Variants in SOX5 observed in about 807,000 individuals in gnomAD.
SOX5 encodes the protein transcription factor SOX-5.
Under a neutral mutation model 92.0 loss-of-function variants are expected in SOX5, and 9 were observed. The ratio of observed to expected loss-of-function variants is 0.10; its 90% CI spans 0.06 to 0.17. The LOEUF (loss-of-function observed/expected upper bound fraction) is 0.17, where lower values mean the gene tolerates loss of function less well. Ranked by LOEUF, SOX5 falls within the 10% of genes least tolerant of loss-of-function variation. The pLI is 1.00. For synonymous variants in SOX5, 344 were observed against 336.3 expected, an observed-to-expected ratio of 1.02 and a Z score of -0.25; for missense variants, 642 against 944.5, an observed-to-expected ratio of 0.68 and a Z score of 4.20.
intron 4 of SOX5, among the ~76,000 whole-genome samples, chr12:23,967,411 GT>G (rs1192329833): frequency 6.6e-6 from 1 of 151,908 alleles, no homozygotes. Context: ...AATATTTTAA[GT>G]TATTTCTTAA....
chr12:23,712,259 A>G (rs769362999), intron 6 of SOX5, among the ~76,000 whole-genome samples: 25 of 152,208 alleles, frequency 1.6e-4, no homozygotes, highest in Admixed American at 5.9e-4. Context: ...AGGGATACGT[A>G]ATTTCCCATT....
At chr12:24,449,761 A>G (rs1204830982) in intron 1 of SOX5, among the ~76,000 whole-genome samples, 1 of 152,226 alleles carries the variant, frequency 6.6e-6, no homozygotes, top group Non-Finnish European at 1.5e-5. Context: ...CTTCTAAAAT[A>G]TAATTAACAG....
intron 1 of SOX5, among the ~76,000 whole-genome samples, chr12:23,942,868 C>A (rs1943920481): frequency 6.6e-6 from 1 of 151,966 alleles, no homozygotes; most frequent in African/African-American, 2.4e-5. Flanking sequence ...TAAGAAAGAT[C>A]ATATCTTCTG....
intron 1 of SOX5, among the ~76,000 whole-genome samples, chr12:23,903,216 A>C (rs2097255402): frequency 6.6e-6 from 1 of 152,182 alleles, no homozygotes; most frequent in Non-Finnish European, 1.5e-5. Flanking sequence ...AGATAGATAG[A>C]TAATAGATGA....
At chr12:24,265,393 A>G (rs990182439) in intron 3 of SOX5, among the ~76,000 whole-genome samples, 1 of 152,080 alleles carries the variant, frequency 6.6e-6, no homozygotes, top group East Asian at 1.9e-4. Flanking sequence ...AATACAAAAA[A>G]GTTATCTGAG....
chr12:24,263,724 C>T (rs1942604032), intron 3 of SOX5, among the ~76,000 whole-genome samples: 1 of 152,072 alleles, frequency 6.6e-6, no homozygotes, highest in Non-Finnish European at 1.5e-5. Context: ...TATGCAAGTA[C>T]TCAGTATATA....
intron 4 of SOX5, among the ~76,000 whole-genome samples, chr12:24,051,602 C>T (rs180889560): frequency 1.6e-4 from 24 of 151,994 alleles, no homozygotes; most frequent in Admixed American, 2.0e-4. Context: ...AGAAAAAATC[C>T]ACAAGAAAAT....
At chr12:23,770,047 T>TG (rs1491565794) in intron 3 of SOX5, among the ~76,000 whole-genome samples, 4 of 106,988 alleles carry the variant, frequency 3.7e-5, no homozygotes, top group South Asian at 5.8e-4. Flanking sequence ...ATGCTCCCTC[T>TG]GTTTTTTTTT....
chr12:23,923,258 G>A (rs1400104186), intron 1 of SOX5, among the ~76,000 whole-genome samples: 1 of 151,826 alleles, frequency 6.6e-6, no homozygotes, highest in Non-Finnish European at 1.5e-5. Flanking sequence ...GCCAAGGGAA[G>A]CTTCTTAAAG....
intron 2 of SOX5, among the ~76,000 whole-genome samples, chr12:23,889,970 T>C (rs1192675673): frequency 6.6e-6 from 1 of 152,226 alleles, no homozygotes; most frequent in Non-Finnish European, 1.5e-5. Context: ...ACACAGTATT[T>C]ATTTCATAAT....
upstream of SOX5, among the ~76,000 whole-genome samples, chr12:23,952,713 A>ATAATTTGAAC (rs1945812036): frequency 6.6e-6 from 1 of 152,182 alleles, no homozygotes; most frequent in Admixed American, 6.5e-5. Context: ...CCTAATAATG[A>ATAATTTGAAC]TAATTTGAAC....
intron 4 of SOX5, among the ~76,000 whole-genome samples, chr12:24,045,206 A>G (rs1015597031): frequency 6.6e-6 from 1 of 152,212 alleles, no homozygotes; most frequent in Admixed American, 6.5e-5. Context: ...GACCTCTGGT[A>G]AGTTACTTCA....
At chr12:24,132,886 C>G (rs547811287) in intron 4 of SOX5, among the ~76,000 whole-genome samples, 3 of 152,114 alleles carry the variant, frequency 2.0e-5, no homozygotes, top group Non-Finnish European at 4.4e-5. Context: ...CATCTAATTA[C>G]CTCATTTCCC....
At chr12:23,606,774 G>A (rs142089147) in intron 8 of SOX5, among the ~76,000 whole-genome samples, 7 of 152,060 alleles carry the variant, frequency 4.6e-5, no homozygotes, top group East Asian at 1.9e-4. Context: ...TACTTTCATC[G>A]TTCAAATAAA....
In SOX5 at chr12:23,793,032, C is replaced by G. The variant is rs189649700; in HGVS notation, c.482-37308G>C. 1.1e-4 allele frequency among the ~76,000 whole-genome samples: 17 copies of G among 152,148 alleles called. No homozygotes were observed. The East Asian group carries it at 3.3e-3, about 29-fold the overall frequency. On this transcript the variant is annotated intron_variant, in intron 3 of 14. Transcript: ENST00000451604. ...AAGACAAAAAATTTCAAGGATAAAA[C>G]CTGGAAAATAGAGGAGAGACCTAAA... is the stretch of plus-strand genomic sequence containing the variant.
intron 1 of SOX5, among the ~76,000 whole-genome samples, chr12:24,390,261 T>A (rs982794597): frequency 6.6e-6 from 1 of 152,174 alleles, no homozygotes; most frequent in Non-Finnish European, 1.5e-5. Context: ...ACTGGGTGAT[T>A]ATCTCATTGG....
chr12:23,611,746 G>A (rs2075989445), intron 8 of SOX5, among the ~76,000 whole-genome samples: 1 of 151,924 alleles, frequency 6.6e-6, no homozygotes, highest in South Asian at 2.1e-4. Context: ...CTTCAGGCAT[G>A]GATTAGGAGA....
chr12:23,808,236 G>A (rs1640602671), intron 3 of SOX5, among the ~76,000 whole-genome samples: 1 of 151,988 alleles, frequency 6.6e-6, no homozygotes, highest in East Asian at 1.9e-4. Flanking sequence ...AGTTAACTCT[G>A]TATTTCTACC....
At chr12:24,235,982 A>C (rs1024407549) in intron 3 of SOX5, among the ~76,000 whole-genome samples, 43 of 152,064 alleles carry the variant, frequency 2.8e-4, no homozygotes, top group Non-Finnish European at 5.0e-4. Context: ...AAGGTCAGGA[A>C]ATCAAGACAA....
Sources: gnomAD v4.1 joint callset for allele counts (sites outside exome capture counted in the v4.1 genomes callset) on GRCh38, gnomAD v4.1.1 for gene constraint, MANE v1.5 for transcripts, NCBI Gene and HGNC (gene_info 2026-07-23, HGNC 2026-07-21) for gene names.